PIP5K1B: variants seen among roughly 807,000 people sequenced by gnomAD.
PIP5K1B encodes the protein phosphatidylinositol 4-phosphate 5-kinase type-1 beta.
In PIP5K1B, 42 loss-of-function variants were observed where a neutral mutation model predicts 67.0. The ratio of observed to expected loss-of-function variants is 0.63; its 90% CI spans 0.49 to 0.81. The LOEUF (loss-of-function observed/expected upper bound fraction) is 0.81, where lower values mean the gene tolerates loss of function less well. Among genes scored for constraint, PIP5K1B ranks in the 30% least tolerant of loss-of-function variants. The probability of loss-of-function intolerance (pLI) is 0.00; values close to 1 mark genes in which losing one functional copy is unlikely to be tolerated. For missense variants in PIP5K1B, 459 were observed against 646.3 expected (o/e 0.71, Z 3.14); for synonymous variants, 214 against 231.4 (o/e 0.92, Z 0.68).
intron 3 of PIP5K1B, 155 bp from the exon 4 acceptor site, chr9:68,822,460 G>A (rs1046458910): frequency 1.9e-6 from 1 of 522,562 alleles, no homozygotes; most frequent in African/African-American, 2.0e-5. Flanking sequence ...TTCTTTTTTA[G>A]TATTCTGAAA....
At chr9:68,749,725 C>G (rs965261325) in intron 2 of PIP5K1B, among the ~76,000 whole-genome samples, 1 of 152,110 alleles carries the variant, frequency 6.6e-6, no homozygotes, top group Non-Finnish European at 1.5e-5. Context: ...CACTTAGGGG[C>G]CAGAACATTC....
chr9:68,808,148 C>T (rs763618288), intron 2 of PIP5K1B, among the ~76,000 whole-genome samples: 29 of 152,054 alleles, frequency 1.9e-4, no homozygotes, highest in Non-Finnish European at 3.8e-4. Context: ...CAGTGAGCAG[C>T]GATCATGCCA....
chr9:68,924,401 C>CAAAAAAAAAAAAAA (rs71353093), intron 12 of PIP5K1B, among the ~76,000 whole-genome samples: 1 of 86,766 alleles, frequency 1.2e-5, no homozygotes, highest in African/African-American at 4.7e-5. Context: ...CACTGCGCCT[C>CAAAAAAAAAAAAAA]AAAAAAAAAA....
At chr9:68,970,784 T>G (rs1474747761) in intron 14 of PIP5K1B, among the ~76,000 whole-genome samples, 1 of 152,228 alleles carries the variant, frequency 6.6e-6, no homozygotes, top group African/African-American at 2.4e-5. Flanking sequence ...TGTGGCTGCC[T>G]AACTGATATC....
intron 5 of PIP5K1B, among the ~76,000 whole-genome samples, chr9:68,871,673 T>C (rs1823631440): frequency 6.6e-6 from 1 of 152,214 alleles, no homozygotes; most frequent in African/African-American, 2.4e-5. Context: ...CTTTCTCCTT[T>C]TTTGGAGCTA....
At chr9:68,885,652 A>C (rs1168521193) in intron 6 of PIP5K1B, among the ~76,000 whole-genome samples, 1 of 144,772 alleles carries the variant, frequency 6.9e-6, no homozygotes, top group Non-Finnish European at 1.5e-5. Context: ...AAAGGCATGC[A>C]GAGTGGTATA....
intron 4 of PIP5K1B, among the ~76,000 whole-genome samples, chr9:68,843,547 C>T (rs1311688245): frequency 6.6e-6 from 1 of 152,104 alleles, no homozygotes; most frequent in Non-Finnish European, 1.5e-5. Flanking sequence ...GATTCCCCTC[C>T]ATGGCCACAC....
intron 15 of PIP5K1B, among the ~76,000 whole-genome samples, chr9:69,003,967 G>A (rs930254658): frequency 6.6e-6 from 1 of 152,116 alleles, no homozygotes; most frequent in Non-Finnish European, 1.5e-5. Flanking sequence ...CTCTGTATTA[G>A]TGTTTAATTA....
intron 1 of PIP5K1B, among the ~76,000 whole-genome samples, chr9:68,732,970 G>A (rs1212812008): frequency 6.6e-6 from 1 of 152,094 alleles, no homozygotes; most frequent in Admixed American, 6.5e-5. Flanking sequence ...CGACGATGAT[G>A]TGGTTGGAAC....
At chr9:68,852,469 G>A (rs1822541195) in intron 4 of PIP5K1B, among the ~76,000 whole-genome samples, 1 of 152,056 alleles carries the variant, frequency 6.6e-6, no homozygotes, top group Non-Finnish European at 1.5e-5. Flanking sequence ...ACCAGACCGA[G>A]TCAAACCCTT....
chr9:68,745,531 C>T (rs1342513817), intron 2 of PIP5K1B, among the ~76,000 whole-genome samples: 1 of 152,224 alleles, frequency 6.6e-6, no homozygotes, highest in Non-Finnish European at 1.5e-5. Flanking sequence ...TTATCCTTAG[C>T]TCTTGGAGAT....
intron 2 of PIP5K1B, among the ~76,000 whole-genome samples, chr9:68,803,582 G>T (rs1464173522): frequency 6.6e-6 from 1 of 152,234 alleles, no homozygotes; most frequent in Non-Finnish European, 1.5e-5. Flanking sequence ...ATCCGTGGAA[G>T]AAAGGGCAAA....
intron 2 of PIP5K1B, among the ~76,000 whole-genome samples, chr9:68,744,540 C>G (rs1415268781): frequency 6.6e-6 from 1 of 152,228 alleles, no homozygotes; most frequent in Non-Finnish European, 1.5e-5. Context: ...CTCCCCTTCC[C>G]CTGGCTAGGG....
chr9:68,988,547 T>A (rs1292785945), intron 14 of PIP5K1B, among the ~76,000 whole-genome samples: 1 of 150,030 alleles, frequency 6.7e-6, no homozygotes, highest in Admixed American at 6.7e-5. Flanking sequence ...CCTCCCGGCT[T>A]CAAATGATTC....
At chr9:68,719,984 TTTTG>T (rs569443916) in intron 1 of PIP5K1B, among the ~76,000 whole-genome samples, 93 of 152,278 alleles carry the variant, frequency 6.1e-4, no homozygotes, top group Non-Finnish European at 1.1e-3. Context: ...GACCTTACAT[TTTTG>T]TTTGTTTCTT....
chr9:68,993,142 A>G (rs1830454289), intron 15 of PIP5K1B, among the ~76,000 whole-genome samples: 1 of 149,720 alleles, frequency 6.7e-6, no homozygotes, highest in Non-Finnish European at 1.5e-5. Flanking sequence ...AGCCTGGGCG[A>G]CAGAGCCAGA....
chr9:68,908,470 G>C (rs998599319), intron 8 of PIP5K1B, among the ~76,000 whole-genome samples: 3 of 150,054 alleles, frequency 2.0e-5, no homozygotes, highest in Non-Finnish European at 3.0e-5. Flanking sequence ...GGTTAATCCA[G>C]TACAGCCCAA....
intron 14 of PIP5K1B, among the ~76,000 whole-genome samples, chr9:68,950,234 T>C (rs896736025): frequency 6.6e-5 from 10 of 152,162 alleles, no homozygotes; most frequent in African/African-American, 2.4e-4. Flanking sequence ...TAATTCTCTT[T>C]CAGATTCCTT....
rs1831151745 is a variant in PIP5K1B, at chr9:69,007,701, C to T, written c.1621-746C>T. 2.0e-5 allele frequency among the ~76,000 whole-genome samples: 3 copies of T among 151,952 alleles called. No individual in the cohort carries two copies. In the South Asian group the frequency reaches 6.2e-4, roughly 31 times the overall value. ...TGAAACCCCATCTCTACTAAAAATA[C>T]AAAAAATTAGCCAGGCGTGATGGCA... On this transcript the variant is annotated intron_variant, in intron 15 of 15. Transcript: ENST00000265382.
Sources: gnomAD v4.1 joint callset for allele counts (sites outside exome capture counted in the v4.1 genomes callset) on GRCh38, gnomAD v4.1.1 for gene constraint, MANE v1.5 for transcripts, NCBI Gene and HGNC (gene_info 2026-07-23, HGNC 2026-07-21) for gene names.